SLC28A3: variants seen among roughly 807,000 people sequenced by gnomAD.
SLC28A3 encodes solute carrier family 28 member 3.
Under a neutral mutation model 84.2 loss-of-function variants are expected in SLC28A3, and 68 were observed. The ratio of observed to expected loss-of-function variants is 0.81; its 90% CI spans 0.66 to 0.99. The LOEUF (loss-of-function observed/expected upper bound fraction) is 0.99. Among genes scored for constraint, SLC28A3 ranks in the 50% least tolerant of loss-of-function variants. SLC28A3 has a pLI of 0.00. For missense variants in SLC28A3, 712 were observed against 841.5 expected (o/e 0.85, Z 1.90); for synonymous variants, 267 against 303.6 (o/e 0.88, Z 1.25).
chr9:84,368,042 T>A, the SLC28A3 span, among the ~76,000 whole-genome samples: 1 of 152,088 alleles, frequency 6.6e-6, no homozygotes. Context: ...TGGGGGATGG[T>A]AAGGTCTTTC....
intron 9 of SLC28A3, 29 bp downstream of exon 9, chr9:84,294,166 T>G: frequency 1.2e-6 from 2 of 1,611,212 alleles, no homozygotes; most frequent in Non-Finnish European, 1.7e-6. Flanking sequence ...GCTCTACACC[T>G]ATAACCCAGT....
chr9:84,338,302 A>G (rs368311654), intron 1 of SLC28A3, among the ~76,000 whole-genome samples: 36 of 152,370 alleles, frequency 2.4e-4, no homozygotes, highest in African/African-American at 8.4e-4. Flanking sequence ...GAAGTAGCAC[A>G]TATTTTACAA....
the SLC28A3 span, among the ~76,000 whole-genome samples, chr9:84,346,618 TTAAC>T: frequency 1.3e-5 from 2 of 152,224 alleles, no homozygotes; most frequent in African/African-American, 4.8e-5. Flanking sequence ...CTTAGTCTAA[TTAAC>T]TGTCAATTGT....
chr9:84,334,306 CAAAA>C (rs908320163), intron 1 of SLC28A3, among the ~76,000 whole-genome samples: 1 of 150,766 alleles, frequency 6.6e-6, no homozygotes, highest in Non-Finnish European at 1.5e-5. Flanking sequence ...CTCAAAAAAA[CAAAA>C]AAAAAGTTTC....
In SLC28A3 at chr9:84,278,116, A is replaced by G; in HGVS notation, c.*102T>C. ...CCTTGCAATTAAAGCTGATTCCATT[A>G]TGGAAGCATCAATCTGTGGACAATA... On this transcript the variant is annotated 3_prime_UTR_variant, in exon 18 of 18. Coordinates refer to ENST00000376238, the MANE Select transcript of SLC28A3 (RefSeq NM_001199633.2). 7.1e-7 allele frequency: 1 copy of G among 1,418,350 alleles called. No individual in the cohort carries two copies. Among genetic ancestry groups the G allele is most frequent in the East Asian group, 2.3e-5 (1 of 43,386 alleles). The allele number at this position is 1,418,350 out of a possible 1,614,324, so 87.9% of individuals were successfully genotyped here.
intron 1 of SLC28A3, among the ~76,000 whole-genome samples, chr9:84,322,837 A>AG (rs1442750336): frequency 1.3e-5 from 2 of 152,148 alleles, no homozygotes; most frequent in Admixed American, 1.3e-4. Flanking sequence ...AAAAGAAAAA[A>AG]GAAAAAAAAG....
intron 1 of SLC28A3, among the ~76,000 whole-genome samples, chr9:84,333,097 C>T (rs765743593): frequency 5.3e-5 from 8 of 152,040 alleles, no homozygotes; most frequent in African/African-American, 1.7e-4. Context: ...GGAGAAAGGG[C>T]GGGATAGTGA....
intron 8 of SLC28A3, among the ~76,000 whole-genome samples, chr9:84,294,633 G>T (rs1825350167): frequency 6.6e-6 from 1 of 152,204 alleles, no homozygotes; most frequent in Non-Finnish European, 1.5e-5. Context: ...AACCTAAGTT[G>T]AGATAAATTG....
At chr9:84,303,390 G>A (rs555332469) in intron 4 of SLC28A3, among the ~76,000 whole-genome samples, 73 of 152,200 alleles carry the variant, frequency 4.8e-4, no homozygotes, top group African/African-American at 1.6e-3. Flanking sequence ...GTGCGATCTC[G>A]GCTCACTGCA....
intron 2 of SLC28A3, among the ~76,000 whole-genome samples, chr9:84,311,497 G>A (rs544905802): frequency 6.6e-5 from 10 of 151,384 alleles, no homozygotes; most frequent in Non-Finnish European, 1.5e-4. Flanking sequence ...GGGTTTGGAC[G>A]CATGTATGAT....
chr9:84,344,238 G>A (rs1827215263), upstream of SLC28A3, among the ~76,000 whole-genome samples: 2 of 138,300 alleles, frequency 1.4e-5, no homozygotes, highest in South Asian at 4.5e-4. Flanking sequence ...TGCCCAGGCT[G>A]GAGTGCAGTG....
intron 1 of SLC28A3, among the ~76,000 whole-genome samples, chr9:84,329,464 T>C (rs919229444): frequency 3.3e-5 from 5 of 152,204 alleles, no homozygotes; most frequent in Non-Finnish European, 7.3e-5. Context: ...GATCACATGT[T>C]AGGCCCAAAC....
chr9:84,363,382 T>G, the SLC28A3 span, among the ~76,000 whole-genome samples: 3 of 152,216 alleles, frequency 2.0e-5, no homozygotes, highest in Non-Finnish European at 4.4e-5. Flanking sequence ...CTTCATAACC[T>G]TCAAGTATTT....
chr9:84,341,741 C>T (rs1827162527), upstream of SLC28A3, among the ~76,000 whole-genome samples: 1 of 152,098 alleles, frequency 6.6e-6, no homozygotes, highest in Non-Finnish European at 1.5e-5. Context: ...TAAAGCAATT[C>T]ACTTTGCTTT....
At chr9:84,299,808 T>A (rs1232154048) in intron 5 of SLC28A3, 83 bp from the exon 6 acceptor site, 2 of 1,383,960 alleles carry the variant, frequency 1.4e-6, no homozygotes, top group Non-Finnish European at 1.9e-6. Flanking sequence ...TTTTTTTTTT[T>A]GAGAGATGGA....
intron 11 of SLC28A3, among the ~76,000 whole-genome samples, 160 bp from the exon 12 acceptor site, chr9:84,288,338 T>C (rs571886203): frequency 1.1e-4 from 16 of 152,296 alleles, no homozygotes; most frequent in Admixed American, 4.6e-4. Flanking sequence ...CTCTAGCTCA[T>C]TGAGCCAAGT....
In SLC28A3 at chr9:84,277,373, T is replaced by C. The variant is rs576915081; in HGVS notation, c.*845A>G. On this transcript the variant is annotated 3_prime_UTR_variant, in exon 18 of 18. Coordinates refer to ENST00000376238, the MANE Select transcript of SLC28A3 (RefSeq NM_001199633.2). ...AGGACTTGTTTTGGCTAATGGAATGTCATGGAAGTAAAGGGTATCATTTCC... is the reference window on the plus strand; with the variant it reads ...AGGACTTGTTTTGGCTAATGGAATGCCATGGAAGTAAAGGGTATCATTTCC... 2 of 152,262 alleles carry C rather than the reference T, an allele frequency of 1.3e-5. No homozygotes were observed. Among genetic ancestry groups the C allele is most frequent in the African/African-American group, 4.8e-5 (2 of 41,468 alleles). 9.4% of individuals were successfully genotyped at this position (152,262 alleles called of 1,614,324 possible). A position where few individuals can be genotyped will look rare whatever the true frequency, so the allele number is the denominator to read the frequency against.
the SLC28A3 span, among the ~76,000 whole-genome samples, chr9:84,359,245 G>A: frequency 6.6e-6 from 1 of 152,276 alleles, no homozygotes; most frequent in African/African-American, 2.4e-5. Context: ...CTAGGATTTG[G>A]TTTAGGGCAA....
chr9:84,276,072 C>G lies in SLC28A3; in HGVS notation c.*2146G>C, dbSNP rs1251537937. 1 of 152,032 alleles carries G rather than the reference C, an allele frequency of 6.6e-6. No homozygotes were observed. Among genetic ancestry groups the G allele is most frequent in the African/African-American group, 2.4e-5 (1 of 41,388 alleles). 9.4% of individuals were successfully genotyped at this position (152,032 alleles called of 1,614,324 possible). ...CCTGAAATATGGAGTAACCAAGTAA[C>G]AAATTTTTAAATTTAAAACTGATAC... On this transcript the variant is annotated 3_prime_UTR_variant, in exon 18 of 18. Coordinates refer to ENST00000376238, the MANE Select transcript of SLC28A3 (RefSeq NM_001199633.2).
Sources: gnomAD v4.1 joint callset for allele counts (sites outside exome capture counted in the v4.1 genomes callset) on GRCh38, gnomAD v4.1.1 for gene constraint, MANE v1.5 for transcripts, NCBI Gene and HGNC (gene_info 2026-07-23, HGNC 2026-07-21) for gene names.